AP3S1: variants seen among roughly 807,000 people sequenced by gnomAD.
AP3S1 encodes the protein adaptor related protein complex 3 subunit sigma 1.
In AP3S1, 12 loss-of-function variants were observed where a neutral mutation model predicts 21.3. That is an observed-to-expected ratio of 0.56 (90% CI 0.36 to 0.91). The LOEUF is 0.91. Among genes scored for constraint, AP3S1 ranks in the 40% least tolerant of loss-of-function variants. The probability of loss-of-function intolerance (pLI) is 0.01; values close to 1 mark genes in which losing one functional copy is unlikely to be tolerated. For missense variants in AP3S1, 116 were observed against 225.0 expected (o/e 0.52, Z 3.10); for synonymous variants, 48 against 78.4 (o/e 0.61, Z 2.05).
chr5:115,853,558 G>A (rs1762595428), intron 1 of AP3S1, among the ~76,000 whole-genome samples: 1 of 152,094 alleles, frequency 6.6e-6, no homozygotes, highest in African/African-American at 2.4e-5. Context: ...TCAAAATCTT[G>A]TAACTGTGTT....
At chr5:115,874,177 C>T (rs1463572685) in intron 3 of AP3S1, among the ~76,000 whole-genome samples, 1 of 151,898 alleles carries the variant, frequency 6.6e-6, no homozygotes, top group Non-Finnish European at 1.5e-5. Context: ...TTAAAAATTC[C>T]TTGTAAGTTT....
chr5:115,845,229 A>G (rs1173303304), intron 1 of AP3S1, among the ~76,000 whole-genome samples: 1 of 152,210 alleles, frequency 6.6e-6, no homozygotes. Context: ...TAACAATTCC[A>G]TATACTGGCA....
intron 1 of AP3S1, among the ~76,000 whole-genome samples, chr5:115,860,761 C>A: frequency 6.6e-6 from 1 of 152,032 alleles, no homozygotes; most frequent in Admixed American, 6.6e-5. Context: ...GTGTTTATGC[C>A]TTTACCAAAA....
chr5:115,911,365 A>T (rs1228877023), intron 5 of AP3S1, among the ~76,000 whole-genome samples: 2 of 151,976 alleles, frequency 1.3e-5, no homozygotes, highest in African/African-American at 4.8e-5. Flanking sequence ...AATTTCTCTC[A>T]CAATAATAAA....
intron 1 of AP3S1, among the ~76,000 whole-genome samples, chr5:115,858,816 C>G (rs1450632290): frequency 6.7e-6 from 1 of 150,058 alleles, no homozygotes; most frequent in African/African-American, 2.4e-5. Context: ...GTTGTATTAT[C>G]TTTTCTTACT....
intron 3 of AP3S1, among the ~76,000 whole-genome samples, chr5:115,877,947 C>T (rs1188415534): frequency 6.6e-6 from 1 of 152,098 alleles, no homozygotes; most frequent in African/African-American, 2.4e-5. Flanking sequence ...TCCATAATGA[C>T]CAGTGATGAT....
intron 3 of AP3S1, among the ~76,000 whole-genome samples, chr5:115,889,938 A>T (rs1044427012): frequency 7.9e-5 from 12 of 152,240 alleles, no homozygotes; most frequent in African/African-American, 2.7e-4. Context: ...AGTACAAATT[A>T]ATACCATCAT....
intron 1 of AP3S1, among the ~76,000 whole-genome samples, chr5:115,866,345 G>A (rs1276505724): frequency 1.3e-5 from 2 of 152,196 alleles, no homozygotes; most frequent in African/African-American, 2.4e-5. Flanking sequence ...TCATTTGTAA[G>A]ATAATCAGCT....
intron 1 of AP3S1, among the ~76,000 whole-genome samples, chr5:115,847,857 A>T (rs1762171947): frequency 6.6e-6 from 1 of 152,180 alleles, no homozygotes; most frequent in Non-Finnish European, 1.5e-5. Flanking sequence ...TGTAATATGC[A>T]ATACTGAACC....
intron 3 of AP3S1, among the ~76,000 whole-genome samples, chr5:115,892,544 A>T (rs1303984013): frequency 1.3e-5 from 2 of 152,232 alleles, no homozygotes; most frequent in Non-Finnish European, 1.5e-5. Flanking sequence ...TAAGTGAAAG[A>T]AGCCAGACAC....
At chr5:115,860,558 C>G (rs207466349) in intron 1 of AP3S1, among the ~76,000 whole-genome samples, 1 of 152,162 alleles carries the variant, frequency 6.6e-6, no homozygotes, top group African/African-American at 2.4e-5. Flanking sequence ...CTCTCTTTAT[C>G]TTCACTTCCA....
At chr5:115,870,312 C>T (rs1040125677) in intron 3 of AP3S1, among the ~76,000 whole-genome samples, 184 bp downstream of exon 3, 1 of 152,134 alleles carries the variant, frequency 6.6e-6, no homozygotes, top group Non-Finnish European at 1.5e-5. Flanking sequence ...CTGATTAAAA[C>T]TATCATAACT....
At chr5:115,847,627 A>T (rs1294502570) in intron 1 of AP3S1, among the ~76,000 whole-genome samples, 5 of 152,244 alleles carry the variant, frequency 3.3e-5, no homozygotes, top group East Asian at 1.9e-4. Flanking sequence ...CAACAAATTT[A>T]AAAAAATATA....
At chr5:115,851,016 AG>A (rs1762402537) in intron 1 of AP3S1, among the ~76,000 whole-genome samples, 1 of 152,196 alleles carries the variant, frequency 6.6e-6, no homozygotes, top group African/African-American at 2.4e-5. Flanking sequence ...AGTAGTTTAT[AG>A]TGTGTGGTGC....
At chr5:115,910,652 ATT>A (rs1216441338) in intron 5 of AP3S1, among the ~76,000 whole-genome samples, 2 of 152,106 alleles carry the variant, frequency 1.3e-5, no homozygotes, top group Non-Finnish European at 2.9e-5. Context: ...TGAAAATGAA[ATT>A]TGTTTTATAG....
At chr5:115,893,744 A>G (rs1347675662) in intron 3 of AP3S1, among the ~76,000 whole-genome samples, 2 of 152,158 alleles carry the variant, frequency 1.3e-5, no homozygotes, top group East Asian at 3.9e-4. Context: ...TGGGATGACT[A>G]TTCATTTCAA....
At chr5:115,865,621 T>G (rs1289427154) in intron 1 of AP3S1, among the ~76,000 whole-genome samples, 2 of 152,214 alleles carry the variant, frequency 1.3e-5, no homozygotes, top group Non-Finnish European at 2.9e-5. Flanking sequence ...TATCATATTT[T>G]TATACTTTTG....
intron 1 of AP3S1, among the ~76,000 whole-genome samples, chr5:115,848,541 G>A (rs542202165): frequency 1.3e-5 from 2 of 152,194 alleles, no homozygotes; most frequent in African/African-American, 4.8e-5. Flanking sequence ...AAACTTACCT[G>A]TGTAACCTGA....
intron 1 of AP3S1, among the ~76,000 whole-genome samples, chr5:115,856,643 G>A (rs7712862): frequency 6.6e-6 from 1 of 151,274 alleles, no homozygotes; most frequent in African/African-American, 2.4e-5. Context: ...TTTTTAAAAC[G>A]TTGTTGTTGT....
Sources: allele counts gnomAD v4.1 joint callset (sites outside exome capture counted in the v4.1 genomes callset), GRCh38; gene constraint gnomAD v4.1.1; transcripts MANE v1.5; gene names NCBI Gene and HGNC (gene_info 2026-07-23, HGNC 2026-07-21).